Variants in AK5 observed in about 807,000 individuals in gnomAD.
AK5 encodes the protein adenylate kinase 5.
In AK5, 27 loss-of-function variants were observed where a neutral mutation model predicts 69.5. That is an observed-to-expected ratio of 0.39 (90% CI 0.29 to 0.54). AK5 has a LOEUF of 0.54. AK5 is among the 20% of genes least tolerant of loss of function. The pLI, the probability that AK5 is intolerant of heterozygous loss-of-function variation, is 0.71. For synonymous variants in AK5, 260 were observed against 244.4 expected, an observed-to-expected ratio of 1.06 and a Z score of -0.60; for missense variants, 531 against 700.4, an observed-to-expected ratio of 0.76 and a Z score of 2.73.
At chr1:77,373,924 T>C (rs561585904) in intron 6 of AK5, among the ~76,000 whole-genome samples, 79 of 152,290 alleles carry the variant, frequency 5.2e-4, no homozygotes, top group African/African-American at 1.9e-3. Flanking sequence ...CTGTAATAAG[T>C]ATATCAGAAA....
Position 77,367,555 on chromosome 1 carries a change from T to TATA in AK5, c.891+26987_891+26988insATA, listed in dbSNP as rs1553139660. 2.8e-3 allele frequency among the ~76,000 whole-genome samples: 168 copies of TATA among 59,308 alleles called. 21 individuals are homozygous for TATA. The highest frequency in any genetic ancestry group is 0.014 in the African/African-American group (155 of 10,846). 38.9% of individuals were successfully genotyped at this position (59,308 alleles called of 152,430 possible). On this transcript the variant is annotated intron_variant, in intron 6 of 13. Coordinates refer to ENST00000354567, the MANE Select transcript of AK5 (RefSeq NM_174858.3). The stretch of plus-strand genomic sequence containing the variant: ...TGTTGCCCAGACTCATTTATGTTAT[T>TATA]TTTATATATATATATATATATATAA...
chr1:77,323,859 A>G (rs1190706831), intron 5 of AK5, among the ~76,000 whole-genome samples: 5 of 152,258 alleles, frequency 3.3e-5, no homozygotes, highest in Admixed American at 2.6e-4. Flanking sequence ...AAGGGTTTCC[A>G]GTTCAGATTA....
chr1:77,516,428 G>GA (rs36116132), intron 10 of AK5, among the ~76,000 whole-genome samples: 25,635 of 148,018 alleles, frequency 0.17, 2,402 homozygotes, highest in Non-Finnish European at 0.19. Flanking sequence ...TTCAGCACCA[G>GA]AAAAAAAAAA....
At chr1:77,371,011 G>T (rs1051066113) in intron 6 of AK5, among the ~76,000 whole-genome samples, 1 of 152,148 alleles carries the variant, frequency 6.6e-6, no homozygotes, top group Non-Finnish European at 1.5e-5. Context: ...TTTATGTGTG[G>T]CTGGATGTCA....
intron 8 of AK5, among the ~76,000 whole-genome samples, chr1:77,468,740 T>TC (rs1206460526): frequency 6.6e-6 from 1 of 152,254 alleles, no homozygotes; most frequent in Non-Finnish European, 1.5e-5. Context: ...CCAGATGATG[T>TC]CACCATGTCT....
intron 8 of AK5, among the ~76,000 whole-genome samples, chr1:77,472,961 T>C (rs1009659521): frequency 6.7e-6 from 1 of 150,180 alleles, no homozygotes; most frequent in Non-Finnish European, 1.5e-5. Context: ...AGAAGGACCC[T>C]TGTGATTGCG....
intron 8 of AK5, among the ~76,000 whole-genome samples, chr1:77,435,357 T>C (rs1651891060): frequency 6.6e-6 from 1 of 152,088 alleles, no homozygotes; most frequent in Admixed American, 6.5e-5. Context: ...GTAAATAGAC[T>C]GTAAAACAGA....
Position 77,286,982 on chromosome 1 carries a change from A to G in AK5, c.102A>G (p.Pro34=). The change falls in exon 2 of 14, where the codon CCA becomes CCG. Residue 34 remains proline (P), a synonymous_variant. Coordinates refer to ENST00000354567, the MANE Select transcript of AK5 (RefSeq NM_174858.3). The part of the protein sequence containing the change: ...NGLMCSKPED[P]VEYLESCLQK... ...TGATGTGTTCTAAGCCCGAAGATCCAGTAGAATACTTGGAAAGTTGTTTAC... is the reference window on the plus strand; with the variant it reads ...TGATGTGTTCTAAGCCCGAAGATCCGGTAGAATACTTGGAAAGTTGTTTAC... The G allele has an allele frequency of 4.4e-6, 7 of 1,600,524 alleles. No homozygotes were observed. Among genetic ancestry groups the G allele is most frequent in the Non-Finnish European group, 5.1e-6 (6 of 1,172,662 alleles).
At chr1:77,344,855 T>C (rs1661832654) in intron 6 of AK5, among the ~76,000 whole-genome samples, 1 of 152,080 alleles carries the variant, frequency 6.6e-6, no homozygotes, top group Non-Finnish European at 1.5e-5. Flanking sequence ...TAGTCTTTGA[T>C]CCCTCATCCC....
At chr1:77,368,237 A>ATATATATATATATATATATATGT (rs1553140275) in intron 6 of AK5, among the ~76,000 whole-genome samples, 2 of 7,854 alleles carry the variant, frequency 2.5e-4, no homozygotes, top group African/African-American at 2.9e-4. Flanking sequence ...ATATATATAT[A>ATATATATATATATATATATATGT]TATATATATA....
At chr1:77,557,851 C>T (rs983265029) in intron 13 of AK5, among the ~76,000 whole-genome samples, 2 of 152,160 alleles carry the variant, frequency 1.3e-5, no homozygotes, top group Non-Finnish European at 1.5e-5. Context: ...TTCCCATATA[C>T]TAGTTACACT....
chr1:77,296,819 CAA>C (rs1327395348), intron 3 of AK5, among the ~76,000 whole-genome samples: 1 of 152,114 alleles, frequency 6.6e-6, no homozygotes, highest in Non-Finnish European at 1.5e-5. Context: ...TTGCATATGA[CAA>C]AGAGATAGAG....
At chr1:77,367,599 A>ATTTT (rs756398279) in intron 6 of AK5, among the ~76,000 whole-genome samples, 2 of 63,128 alleles carry the variant, frequency 3.2e-5, no homozygotes, top group African/African-American at 1.5e-4. Context: ...TTATATATGT[A>ATTTT]ATATATATGT....
intron 6 of AK5, among the ~76,000 whole-genome samples, chr1:77,389,447 G>A (rs529871523): frequency 6.6e-6 from 1 of 152,280 alleles, no homozygotes; most frequent in Non-Finnish European, 1.5e-5. Context: ...CCTGAAACAG[G>A]AGAAATGCTG....
At chr1:77,305,675 T>C (rs1659594826) in intron 5 of AK5, among the ~76,000 whole-genome samples, 1 of 152,164 alleles carries the variant, frequency 6.6e-6, no homozygotes, top group South Asian at 2.1e-4. Flanking sequence ...TATTTCTGGG[T>C]TCTCTATTGT....
chr1:77,439,610 T>C (rs1652177690), intron 8 of AK5, among the ~76,000 whole-genome samples: 1 of 152,102 alleles, frequency 6.6e-6, no homozygotes, highest in Non-Finnish European at 1.5e-5. Context: ...CTCCATGATA[T>C]TTACTTTTTT....
intron 12 of AK5, among the ~76,000 whole-genome samples, chr1:77,525,569 T>C (rs951253397): frequency 1.3e-5 from 2 of 152,088 alleles, no homozygotes; most frequent in Non-Finnish European, 2.9e-5. Flanking sequence ...ACATCTTCCA[T>C]GAACTTAGAG....
intron 13 of AK5, among the ~76,000 whole-genome samples, chr1:77,545,990 T>A (rs1407303297): frequency 2.0e-5 from 3 of 152,180 alleles, no homozygotes; most frequent in African/African-American, 7.2e-5. Flanking sequence ...TCTTTATGAC[T>A]CTGCTTAAAA....
chr1:77,470,899 G>T (rs1424731933), intron 8 of AK5, among the ~76,000 whole-genome samples: 41 of 19,522 alleles, frequency 2.1e-3, no homozygotes, highest in Admixed American at 4.3e-3. Flanking sequence ...TTTTTTTTTT[G>T]AGACAGAGTC....
Sources: allele counts gnomAD v4.1 joint callset (sites outside exome capture counted in the v4.1 genomes callset), GRCh38; gene constraint gnomAD v4.1.1; transcripts MANE v1.5; gene names NCBI Gene and HGNC (gene_info 2026-07-23, HGNC 2026-07-21).